The following BICD1 variants were observed in gnomAD, a reference collection of about 807,000 sequenced individuals.
The protein encoded by BICD1 is BICD cargo adaptor 1, also known as protein bicaudal D homolog 1.
BICD1 carries 35 observed loss-of-function variants against 92.5 expected under a neutral mutation model. The observed-to-expected ratio is 0.38, with a 90% CI of 0.29 to 0.50. The LOEUF is 0.50. Among genes scored for constraint, BICD1 ranks in the 20% least tolerant of loss-of-function variants. BICD1 has a pLI of 0.93. For missense variants in BICD1, 950 were observed against 1,189.8 expected, an observed-to-expected ratio of 0.80 and a Z score of 2.97; for synonymous variants, 429 against 465.1, an observed-to-expected ratio of 0.92 and a Z score of 1.00.
intron 2 of BICD1, among the ~76,000 whole-genome samples, chr12:32,289,086 A>G (rs1028920632): frequency 2.6e-5 from 4 of 152,108 alleles, no homozygotes; most frequent in South Asian, 2.1e-4. Context: ...GGCATGTCCA[A>G]TGGGATAGAG....
intron 2 of BICD1, among the ~76,000 whole-genome samples, chr12:32,283,822 A>G (rs1277970324): frequency 6.6e-6 from 1 of 152,244 alleles, no homozygotes; most frequent in Non-Finnish European, 1.5e-5. Context: ...GGCCTGTCCC[A>G]TGGATCTGAC....
intron 1 of BICD1, among the ~76,000 whole-genome samples, chr12:32,134,344 G>C (rs1444995481): frequency 1.3e-5 from 2 of 152,196 alleles, no homozygotes; most frequent in Non-Finnish European, 2.9e-5. Context: ...GTAAAAAGCT[G>C]ATATGATCTT....
intron 1 of BICD1, among the ~76,000 whole-genome samples, chr12:32,211,378 ATC>A (rs1374761373): frequency 6.6e-6 from 1 of 152,236 alleles, no homozygotes; most frequent in African/African-American, 2.4e-5. Flanking sequence ...TGGAGGATTT[ATC>A]AACATTTGGA....
intron 1 of BICD1, among the ~76,000 whole-genome samples, chr12:32,203,360 T>G (rs916604929): frequency 2.0e-5 from 3 of 152,164 alleles, no homozygotes; most frequent in Non-Finnish European, 2.9e-5. Context: ...AGGAAATTAC[T>G]TCATCAAAAG....
chr12:32,253,700 T>C (rs1946625034), intron 2 of BICD1, among the ~76,000 whole-genome samples: 1 of 152,232 alleles, frequency 6.6e-6, no homozygotes, highest in Non-Finnish European at 1.5e-5. Context: ...CCTAGATTTG[T>C]TTTATTTTCT....
In BICD1 at chr12:32,382,185, T is replaced by A. The variant is rs1026928793; in HGVS notation, c.*4558T>A. The A allele has an allele frequency of 2.6e-5, 4 of 152,124 alleles. No individual in the cohort carries two copies. The highest frequency in any genetic ancestry group is 5.9e-5 in the Non-Finnish European group (4 of 67,960). The allele number at this position is 152,124 out of a possible 1,614,324, so 9.4% of individuals were successfully genotyped here. A position where few individuals can be genotyped will look rare whatever the true frequency, so the allele number is the denominator to read the frequency against. Reference sequence around the variant, plus strand: ...TATTGCGTTTGTAACCTGATCGTATTATGTTTACAGCTGAAAGATTTCATC... The same window carrying A: ...TATTGCGTTTGTAACCTGATCGTATAATGTTTACAGCTGAAAGATTTCATC... On this transcript the variant is annotated 3_prime_UTR_variant, in exon 10 of 10. Coordinates refer to ENST00000652176, the MANE Select transcript of BICD1 (RefSeq NM_001714.4).
intron 2 of BICD1, among the ~76,000 whole-genome samples, chr12:32,252,070 T>G: frequency 2.1e-5 from 1 of 47,820 alleles, no homozygotes; most frequent in East Asian, 6.2e-4. Flanking sequence ...ATTATATATT[T>G]ATAATATATA....
At chr12:32,124,215 A>G (rs1333989666) in intron 1 of BICD1, among the ~76,000 whole-genome samples, 1 of 152,246 alleles carries the variant, frequency 6.6e-6, no homozygotes, top group African/African-American at 2.4e-5. Context: ...TTTAGAGAGC[A>G]TCATCTATAT....
At chr12:32,339,419 C>A in intron 8 of BICD1, 1 of 986,762 alleles carries the variant, frequency 1.0e-6, no homozygotes, top group South Asian at 4.7e-5. Flanking sequence ...TGACTCAGAA[C>A]GTCTCCTCAA....
In BICD1 at chr12:32,210,398, C is replaced by A. The variant is rs1219097780; in HGVS notation, c.214-5849C>A. Among the ~76,000 whole-genome samples, 4 of 152,042 alleles carry A rather than the reference C, an allele frequency of 2.6e-5. No homozygotes were observed. In the East Asian group the frequency reaches 7.7e-4, roughly 29 times the overall value. On this transcript the variant is annotated intron_variant, in intron 1 of 9. Transcript: ENST00000652176. The stretch of plus-strand genomic sequence containing the variant: ...ATAAAATGATATTAAATATACTAGT[C>A]AAAATTTTATTTCTTTTATCTTTTA...
chr12:32,213,490 G>A (rs1354155660), intron 1 of BICD1, among the ~76,000 whole-genome samples: 1 of 152,088 alleles, frequency 6.6e-6, no homozygotes, highest in Non-Finnish European at 1.5e-5. Context: ...CCGTCTCTCG[G>A]GTTCAAGTGA....
rs112524595 is a variant in BICD1, at chr12:32,369,490, G to T, written c.2840+1745G>T. Among the ~76,000 whole-genome samples the T allele has an allele frequency of 1.1e-3, 161 of 152,404 alleles. 1 individual carries two copies. The highest frequency in any genetic ancestry group is 3.8e-3 in the African/African-American group (158 of 41,602). On this transcript the variant is annotated intron_variant, in intron 9 of 9. Transcript: ENST00000652176. ...CAGGGGTCAGAGCCAGGGGACCTGG[G>T]GTGCCACAAGTGTGGAAACACAGTG...
At chr12:32,295,148 G>A (rs188194955) in intron 3 of BICD1, among the ~76,000 whole-genome samples, 1 of 149,622 alleles carries the variant, frequency 6.7e-6, no homozygotes, top group East Asian at 2.0e-4. Context: ...TGACTACAAA[G>A]ATTACATTCG....
At chr12:32,196,354 C>G (rs1012518282) in intron 1 of BICD1, among the ~76,000 whole-genome samples, 2 of 152,132 alleles carry the variant, frequency 1.3e-5, no homozygotes, top group African/African-American at 4.8e-5. Flanking sequence ...CAGCACTATT[C>G]ACAATAGCCA....
chr12:32,287,807 G>A (rs1160519971), intron 2 of BICD1, among the ~76,000 whole-genome samples: 2 of 152,224 alleles, frequency 1.3e-5, no homozygotes. Flanking sequence ...AAAGTGCTGG[G>A]ATTGCAGGCA....
intron 2 of BICD1, among the ~76,000 whole-genome samples, chr12:32,250,857 C>G (rs1049032216): frequency 2.6e-5 from 4 of 152,086 alleles, no homozygotes; most frequent in African/African-American, 9.7e-5. Context: ...GTGGCATGTG[C>G]CTATAGTCCC....
chr12:32,124,349 T>A (rs1355280105), intron 1 of BICD1, among the ~76,000 whole-genome samples: 1 of 152,086 alleles, frequency 6.6e-6, no homozygotes, highest in African/African-American at 2.4e-5. Flanking sequence ...ACAATATGAG[T>A]TTTTGAGTTA....
intron 1 of BICD1, among the ~76,000 whole-genome samples, chr12:32,172,889 C>T (rs772167676): frequency 6.6e-6 from 1 of 152,202 alleles, no homozygotes; most frequent in Non-Finnish European, 1.5e-5. Flanking sequence ...AAGCTATCCT[C>T]TATTCTCTTT....
chr12:32,270,913 C>G (rs926001524), intron 2 of BICD1, among the ~76,000 whole-genome samples: 31 of 152,266 alleles, frequency 2.0e-4, no homozygotes, highest in African/African-American at 7.5e-4. Context: ...GAAAGGGACC[C>G]TGTGTGTGAA....
Sources: gnomAD v4.1 joint callset for allele counts (sites outside exome capture counted in the v4.1 genomes callset) on GRCh38, gnomAD v4.1.1 for gene constraint, MANE v1.5 for transcripts, NCBI Gene and HGNC (gene_info 2026-07-23, HGNC 2026-07-21) for gene names.